ADAMTS14: variants seen among roughly 807,000 people sequenced by gnomAD.
The protein encoded by ADAMTS14 is ADAM metallopeptidase with thrombospondin type 1 motif 14.
ADAMTS14 carries 100 observed loss-of-function variants against 128.6 expected under a neutral mutation model. That is an observed-to-expected ratio of 0.78 (90% CI 0.66 to 0.92). The LOEUF is 0.92. Ranked by LOEUF, ADAMTS14 falls within the 40% of genes least tolerant of loss-of-function variation. The probability of loss-of-function intolerance (pLI) is 0.00; values close to 1 mark genes in which losing one functional copy is unlikely to be tolerated. For missense variants in ADAMTS14, 1,562 were observed against 1,658.6 expected, an observed-to-expected ratio of 0.94 and a Z score of 1.01; for synonymous variants, 665 against 653.8, an observed-to-expected ratio of 1.02 and a Z score of -0.26.
chr10:70,672,951 G>T, intron 1 of ADAMTS14, 67 bp downstream of exon 1: 3 of 1,372,792 alleles, frequency 2.2e-6, no homozygotes, highest in Non-Finnish European at 2.8e-6. Context: ...GTGGCCCAAG[G>T]TTGCCCCAGC....
At chr10:70,754,388 C>A (rs756743953) in intron 19 of ADAMTS14, among the ~76,000 whole-genome samples, 5 of 152,206 alleles carry the variant, frequency 3.3e-5, no homozygotes, top group Non-Finnish European at 7.3e-5. Flanking sequence ...CCTCGTGCAG[C>A]CCACAGTCCT....
At chr10:70,690,027 T>C (rs1840140488) in intron 2 of ADAMTS14, among the ~76,000 whole-genome samples, 1 of 144,986 alleles carries the variant, frequency 6.9e-6, no homozygotes, top group Non-Finnish European at 1.6e-5. Context: ...TGCTGTAGAA[T>C]GTTAGCTCCG....
At chr10:70,712,476 T>G (rs4747084) in intron 4 of ADAMTS14, among the ~76,000 whole-genome samples, 105,007 of 152,200 alleles carry the variant, frequency 0.69, 36,381 homozygotes, top group East Asian at 0.81. Context: ...GACTCCACAT[T>G]AATGAGGGAA....
chr10:70,696,028 G>C (rs1476991219), intron 2 of ADAMTS14, among the ~76,000 whole-genome samples: 1 of 152,256 alleles, frequency 6.6e-6, no homozygotes, highest in Non-Finnish European at 1.5e-5. Context: ...TATGGAGGTG[G>C]TGAGTGTAGA....
intron 7 of ADAMTS14, among the ~76,000 whole-genome samples, chr10:70,733,312 A>T (rs866078489): frequency 6.6e-6 from 1 of 152,210 alleles, no homozygotes; most frequent in African/African-American, 2.4e-5. Context: ...TGAAGAGCAA[A>T]CTTTTAAATG....
chr10:70,752,284 G>A, intron 18 of ADAMTS14, 57 bp downstream of exon 18: 1 of 1,593,028 alleles, frequency 6.3e-7, no homozygotes, highest in Non-Finnish European at 8.6e-7. Flanking sequence ...CCGGGCCCCA[G>A]GCAGCGGGGC....
At chr10:70,757,449 C>T (rs940079717) in intron 19 of ADAMTS14, among the ~76,000 whole-genome samples, 1 of 152,116 alleles carries the variant, frequency 6.6e-6, no homozygotes, top group African/African-American at 2.4e-5. Context: ...GAGTAAGACA[C>T]TGAACCAGGG....
In ADAMTS14 at chr10:70,738,999, G is replaced by C; in HGVS notation, c.1748+9G>C. ...AGCTGCAACAACCCCTCGTGAGTGT[G>C]CTTGGCTAGGGTGGGGAGGGCAGGG... On this transcript the variant is annotated intron_variant, in intron 11 of 21. Transcript: ENST00000373207. 1 of 1,599,488 alleles carries C rather than the reference G, an allele frequency of 6.3e-7. No individual in the cohort carries two copies. The highest frequency in any genetic ancestry group is 8.5e-7 in the Non-Finnish European group (1 of 1,172,596).
chr10:70,674,300 T>C (rs1028544145), intron 1 of ADAMTS14, among the ~76,000 whole-genome samples: 1 of 152,146 alleles, frequency 6.6e-6, no homozygotes, highest in Non-Finnish European at 1.5e-5. Context: ...CTGGTATCAT[T>C]TGCTTTCTTC....
intron 2 of ADAMTS14, among the ~76,000 whole-genome samples, chr10:70,684,814 G>A (rs535126727): frequency 2.6e-4 from 40 of 152,260 alleles, no homozygotes; most frequent in South Asian, 1.0e-3. Flanking sequence ...TGTCTGGGCC[G>A]CTGTCTGTCT....
chr10:70,754,015 G>A lies in ADAMTS14; in HGVS notation c.2937+8G>A. On this transcript the variant is annotated splice_region_variant and intron_variant, in intron 19 of 21. Coordinates refer to ENST00000373207, the MANE Select transcript of ADAMTS14 (RefSeq NM_080722.4). ...CTGGGAGCCTGGTCCCAGGTGACTT[G>A]TCCTCAGGAGGTGGGAGGGGCTTGG... 9.1e-6 allele frequency: 14 copies of A among 1,544,464 alleles called. No individual in the cohort carries two copies. The highest frequency in any genetic ancestry group is 1.1e-5 in the Non-Finnish European group (13 of 1,147,498).
intron 16 of ADAMTS14, among the ~76,000 whole-genome samples, chr10:70,750,357 C>A (rs1842314432): frequency 6.6e-6 from 1 of 152,170 alleles, no homozygotes; most frequent in Admixed American, 6.5e-5. Flanking sequence ...GGAGCAGCTT[C>A]CTCGGGCCTT....
intron 2 of ADAMTS14, among the ~76,000 whole-genome samples, chr10:70,702,082 C>T (rs1474472921): frequency 6.6e-6 from 1 of 152,166 alleles, no homozygotes; most frequent in Non-Finnish European, 1.5e-5. Context: ...ATCTACTTTG[C>T]TGAAAGGAGG....
chr10:70,760,476 G>A lies in ADAMTS14; in HGVS notation c.3295G>A (p.Gly1099Ser). Reference sequence around the variant, plus strand: ...TGTGTCCTGCATCAAGAAGGCCTCGGGCCCCAACCCTGGCCCAGACCCTGG... The same window carrying A: ...TGTGTCCTGCATCAAGAAGGCCTCGAGCCCCAACCCTGGCCCAGACCCTGG... ...CCVSCIKKAS[G>S]PNPGPDPGPT... Residue 1099 changes from glycine to serine, a missense_variant, in exon 22 of 22, where the codon GGC becomes AGC. By Grantham distance (56) the Gly-to-Ser change is moderately conservative. Coordinates refer to ENST00000373207, the MANE Select transcript of ADAMTS14 (RefSeq NM_080722.4). The A allele has an allele frequency of 6.2e-7, 1 of 1,613,870 alleles. No homozygotes were observed. Among genetic ancestry groups the A allele is most frequent in the Non-Finnish European group, 8.5e-7 (1 of 1,179,944 alleles).
chr10:70,688,878 G>A (rs1396795829), intron 2 of ADAMTS14, among the ~76,000 whole-genome samples: 2 of 42,040 alleles, frequency 4.8e-5, no homozygotes, highest in Non-Finnish European at 8.4e-5. Context: ...GGAGGGGGAG[G>A]GGGAGGGGGA....
intron 15 of ADAMTS14, among the ~76,000 whole-genome samples, chr10:70,748,307 G>T (rs1198572673): frequency 6.6e-6 from 1 of 152,132 alleles, no homozygotes; most frequent in African/African-American, 2.4e-5. Flanking sequence ...TCAGGGCTCT[G>T]CTACAGTGAG....
intron 3 of ADAMTS14, among the ~76,000 whole-genome samples, chr10:70,703,596 G>T (rs769306479): frequency 6.6e-6 from 1 of 152,224 alleles, no homozygotes; most frequent in Admixed American, 6.5e-5. Flanking sequence ...CTCCACCAGG[G>T]TTGAGAAGAG....
intron 7 of ADAMTS14, 105 bp from the exon 8 acceptor site, chr10:70,733,780 C>T (rs1368869850): frequency 5.7e-6 from 8 of 1,410,634 alleles, no homozygotes; most frequent in Non-Finnish European, 7.7e-6. Flanking sequence ...GCGATCTGAG[C>T]TCCGGGTCAG....
At chr10:70,750,946 G>T (rs969807735) in intron 16 of ADAMTS14, among the ~76,000 whole-genome samples, 1 of 152,116 alleles carries the variant, frequency 6.6e-6, no homozygotes, top group Admixed American at 6.5e-5. Flanking sequence ...TCTTAGATAC[G>T]ACAGGCACTA....
Sources: allele counts gnomAD v4.1 joint callset (sites outside exome capture counted in the v4.1 genomes callset), GRCh38; gene constraint gnomAD v4.1.1; transcripts MANE v1.5; gene names NCBI Gene and HGNC (gene_info 2026-07-23, HGNC 2026-07-21).